Variants in CDH6 observed in about 807,000 individuals in gnomAD.
CDH6 encodes the protein cadherin 6.
A neutral mutation model predicts 78.0 loss-of-function variants in CDH6; 31 were observed. The observed-to-expected ratio is 0.40, with a 90% CI of 0.30 to 0.54. The LOEUF (loss-of-function observed/expected upper bound fraction) is 0.54. Ranked by LOEUF, CDH6 falls within the 20% of genes least tolerant of loss-of-function variation. The pLI is 0.56. For synonymous variants in CDH6, 376 were observed against 368.8 expected (o/e 1.02, Z -0.23); for missense variants, 724 against 975.9 (o/e 0.74, Z 3.44).
At chr5:31,254,365 G>T (rs1392639191) in intron 1 of CDH6, among the ~76,000 whole-genome samples, 1 of 152,194 alleles carries the variant, frequency 6.6e-6, no homozygotes, top group African/African-American at 2.4e-5. Context: ...GTATGCCGAG[G>T]TTGCTAAGAT....
Position 31,323,095 on chromosome 5 carries a change from A to T in CDH6, c.2160A>T (p.Leu720Phe). Residue 720 changes from leucine to phenylalanine, a missense_variant, in exon 12 of 12, where the codon TTA (leucine) becomes TTT (phenylalanine). By Grantham distance (22) the Leu-to-Phe change is conservative (BLOSUM62 0). Transcript: ENST00000265071. ...TDVRDFINQR[L>F]KENDTDPTAP... Reference sequence around the variant, plus strand: ...TCAGAGATTTCATTAACCAAAGGTTAAAGGAAAATGACACGGACCCCACTG... The same window carrying T: ...TCAGAGATTTCATTAACCAAAGGTTTAAGGAAAATGACACGGACCCCACTG... 1 of 1,614,198 alleles carries T rather than the reference A, an allele frequency of 6.2e-7. No individual in the cohort carries two copies. Among genetic ancestry groups the T allele is most frequent in the Non-Finnish European group, 8.5e-7 (1 of 1,180,042 alleles).
At chr5:31,231,444 T>C (rs188002481) in intron 1 of CDH6, among the ~76,000 whole-genome samples, 164 of 152,350 alleles carry the variant, frequency 1.1e-3, no homozygotes, top group African/African-American at 3.8e-3. Flanking sequence ...TCTCAGTCCA[T>C]TTTCTGTTGC....
At chr5:31,302,705 T>A (rs1579899777) in intron 6 of CDH6, among the ~76,000 whole-genome samples, 1 of 20,412 alleles carries the variant, frequency 4.9e-5, no homozygotes, top group Admixed American at 1.2e-3. Flanking sequence ...AGAGTGAGAC[T>A]CTGAAAAAAA....
chr5:31,212,586 CA>C (rs1740738065), intron 1 of CDH6, among the ~76,000 whole-genome samples: 1 of 152,144 alleles, frequency 6.6e-6, no homozygotes, highest in Non-Finnish European at 1.5e-5. Flanking sequence ...GAACCAACTG[CA>C]GCCAAAATTA....
chr5:31,291,069 T>A (rs1400702196), intron 2 of CDH6, among the ~76,000 whole-genome samples: 1 of 152,188 alleles, frequency 6.6e-6, no homozygotes, highest in Non-Finnish European at 1.5e-5. Flanking sequence ...AGATGTGGAA[T>A]TCACCTATTA....
chr5:31,201,364 C>A (rs893666335), intron 1 of CDH6, among the ~76,000 whole-genome samples: 3 of 152,002 alleles, frequency 2.0e-5, no homozygotes, highest in East Asian at 3.9e-4. Flanking sequence ...TTTGAGTAAA[C>A]CTTATCTAAA....
intron 1 of CDH6, among the ~76,000 whole-genome samples, chr5:31,235,036 A>G (rs1418919889): frequency 6.6e-6 from 1 of 152,124 alleles, no homozygotes; most frequent in Non-Finnish European, 1.5e-5. Flanking sequence ...CAATATCATC[A>G]ATTAATAGAT....
chr5:31,220,913 T>G (rs944813516), intron 1 of CDH6, among the ~76,000 whole-genome samples: 1 of 151,366 alleles, frequency 6.6e-6, no homozygotes, highest in African/African-American at 2.4e-5. Flanking sequence ...ACTAAAGGGA[T>G]TTTTTTCCAT....
chr5:31,222,748 A>G (rs550704731), intron 1 of CDH6, among the ~76,000 whole-genome samples: 8 of 152,322 alleles, frequency 5.3e-5, no homozygotes, highest in Non-Finnish European at 1.0e-4. Flanking sequence ...TGGTGATTTT[A>G]TAACCTAAAT....
At chr5:31,243,031 T>G (rs1741648254) in intron 1 of CDH6, among the ~76,000 whole-genome samples, 1 of 152,110 alleles carries the variant, frequency 6.6e-6, no homozygotes, top group Non-Finnish European at 1.5e-5. Context: ...CTGTTTTGAA[T>G]CAACCAACCA....
At chr5:31,203,244 TTA>T (rs1491033856) in intron 1 of CDH6, among the ~76,000 whole-genome samples, 1,476 of 133,524 alleles carry the variant, frequency 0.011, 18 homozygotes, top group African/African-American at 0.036. Context: ...TTTTTTTTTT[TTA>T]TTTATTTTTT....
intron 1 of CDH6, among the ~76,000 whole-genome samples, chr5:31,223,454 G>A (rs1057279603): frequency 1.3e-5 from 2 of 152,152 alleles, no homozygotes; most frequent in African/African-American, 4.8e-5. Context: ...ACATACTTGT[G>A]CTCTCTAATG....
chr5:31,292,188 A>G (rs1743184405), intron 2 of CDH6, among the ~76,000 whole-genome samples: 1 of 152,220 alleles, frequency 6.6e-6, no homozygotes, highest in East Asian at 1.9e-4. Context: ...CATGTTTCCC[A>G]AAGTATCTTT....
At chr5:31,234,025 G>T (rs995059576) in intron 1 of CDH6, among the ~76,000 whole-genome samples, 4 of 146,156 alleles carry the variant, frequency 2.7e-5, no homozygotes, top group African/African-American at 7.7e-5. Flanking sequence ...ATGAAAAATT[G>T]TGATAATAGT....
chr5:31,232,461 A>G (rs1741338501), intron 1 of CDH6, among the ~76,000 whole-genome samples: 1 of 152,124 alleles, frequency 6.6e-6, no homozygotes, highest in Non-Finnish European at 1.5e-5. Flanking sequence ...GCTTTGGAGG[A>G]ATCTTAGAGC....
At position 31,300,334 on chromosome 5, in the gene CDH6, C is replaced by T. The variant is rs74600439; in HGVS notation, c.811+703C>T. On this transcript the variant is annotated intron_variant, in intron 5 of 11. Coordinates refer to ENST00000265071, the MANE Select transcript of CDH6 (RefSeq NM_004932.4). ...ATCCCTTTGGGACCATGATCTCCTA[C>T]GAAAGCTATCTCAATTATTCAATAG... Among the ~76,000 whole-genome samples the T allele has an allele frequency of 3.5e-4, 53 of 152,182 alleles. No individual in the cohort carries two copies. The East Asian group carries it at 4.6e-3, about 13-fold the overall frequency.
intron 1 of CDH6, among the ~76,000 whole-genome samples, chr5:31,225,403 T>C (rs1203026719): frequency 2.6e-5 from 4 of 152,218 alleles, no homozygotes; most frequent in African/African-American, 4.8e-5. Flanking sequence ...ATACACTGTC[T>C]GTATTAGTCA....
chr5:31,291,917 T>C (rs1312793224), intron 2 of CDH6, among the ~76,000 whole-genome samples: 1 of 152,208 alleles, frequency 6.6e-6, no homozygotes, highest in African/African-American at 2.4e-5. Flanking sequence ...TTCTGCCAAA[T>C]TGCTTTCAAG....
chr5:31,307,192 G>A (rs1006923004), intron 7 of CDH6, among the ~76,000 whole-genome samples: 7 of 152,130 alleles, frequency 4.6e-5, no homozygotes. Flanking sequence ...GAGATGAGAA[G>A]CCACTGGAAA....
Sources: gnomAD v4.1 joint callset for allele counts (sites outside exome capture counted in the v4.1 genomes callset) on GRCh38, gnomAD v4.1.1 for gene constraint, MANE v1.5 for transcripts, NCBI Gene and HGNC (gene_info 2026-07-23, HGNC 2026-07-21) for gene names.